Variants in ASH1L observed in about 807,000 individuals in gnomAD.
ASH1L encodes ASH1 like histone lysine methyltransferase, also known as histone-lysine N-methyltransferase ASH1L.
ASH1L carries 23 observed loss-of-function variants against 269.0 expected under a neutral mutation model. The ratio of observed to expected loss-of-function variants is 0.09; its 90% CI spans 0.06 to 0.12. The LOEUF (loss-of-function observed/expected upper bound fraction) is 0.12. Among genes scored for constraint, ASH1L ranks in the 10% least tolerant of loss-of-function variants. The pLI is 1.00. For synonymous variants in ASH1L, 1,187 were observed against 1,253.5 expected (o/e 0.95, Z 1.12); for missense variants, 2,912 against 3,567.8 (o/e 0.82, Z 4.68).
intron 4 of ASH1L, among the ~76,000 whole-genome samples, chr1:155,456,468 T>A (rs1341593759): frequency 1.3e-5 from 2 of 152,206 alleles, no homozygotes; most frequent in East Asian, 3.8e-4. Context: ...TTTAGGCTTC[T>A]GTGACATATA....
At chr1:155,428,150 G>A (rs1219421167) in intron 5 of ASH1L, among the ~76,000 whole-genome samples, 2 of 152,104 alleles carry the variant, frequency 1.3e-5, no homozygotes, top group Admixed American at 1.3e-4. Context: ...TTAGTATAAT[G>A]CCTTAAGTCT....
intron 7 of ASH1L, among the ~76,000 whole-genome samples, chr1:155,389,289 C>T (rs748625020): frequency 5.9e-5 from 9 of 152,020 alleles, no homozygotes; most frequent in East Asian, 1.9e-4. Context: ...TGAGCCACCA[C>T]GCCAAGCCTA....
In ASH1L at chr1:155,335,686, T is replaced by C. The variant is rs992213474; in HGVS notation, c.*1974A>G. The C allele has an allele frequency of 6.5e-6, 1 of 152,772 alleles. No individual in the cohort carries two copies. Among genetic ancestry groups the C allele is most frequent in the South Asian group, 2.1e-4 (1 of 4,836 alleles). 9.5% of individuals were successfully genotyped at this position (152,772 alleles called of 1,614,324 possible). A position where few individuals can be genotyped will look rare whatever the true frequency, so the allele number is the denominator to read the frequency against. ...TCTAAAAAACATTTCAGTTTTTTTT[T>C]AGTCTTTCAACAAAAGAAAGATAAA... is the stretch of plus-strand genomic sequence containing the variant. On this transcript the variant is annotated 3_prime_UTR_variant, in exon 28 of 28. Transcript: ENST00000392403.
chr1:155,340,246 C>A (rs984833005), intron 25 of ASH1L, among the ~76,000 whole-genome samples: 1 of 151,920 alleles, frequency 6.6e-6, no homozygotes. Context: ...TACAGTGGTG[C>A]GATCTTGGCT....
Position 155,343,862 on chromosome 1 carries a change from G to T in ASH1L, c.7982-120C>A. ...CATAATCTGAAACAGTATAAATACA[G>T]AGAGCTAAAAGCAGCAGTGTTAAGT... is the stretch of plus-strand genomic sequence containing the variant. On this transcript the variant is annotated intron_variant, in intron 22 of 27. Transcript: ENST00000392403. This position sits in a 1 kb window ranked among gnomAD's most constrained non-coding sequence, Gnocchi z 6.1. 8.5e-7 allele frequency: 1 copy of T among 1,173,664 alleles called. No homozygotes were observed. The highest frequency in any genetic ancestry group is 2.5e-5 in the East Asian group (1 of 40,062). The allele number at this position is 1,173,664 out of a possible 1,614,324, so 72.7% of individuals were successfully genotyped here.
intron 3 of ASH1L, among the ~76,000 whole-genome samples, chr1:155,473,274 G>A (rs1051678563): frequency 6.6e-6 from 1 of 152,092 alleles, no homozygotes; most frequent in African/African-American, 2.4e-5. Context: ...AGACTTTTCT[G>A]CAAGTGTTTT....
chr1:155,441,641 A>AT (rs1326254554), intron 4 of ASH1L, among the ~76,000 whole-genome samples: 6 of 147,786 alleles, frequency 4.1e-5, no homozygotes, highest in South Asian at 4.3e-4. Context: ...TTATTTTTGT[A>AT]TTTTTTAGTA....
chr1:155,392,454 A>G (rs1229598635), intron 7 of ASH1L, among the ~76,000 whole-genome samples: 3 of 152,038 alleles, frequency 2.0e-5, no homozygotes, highest in Non-Finnish European at 2.9e-5. Flanking sequence ...TAGGATTACT[A>G]TGTTTTAAAT....
intron 2 of ASH1L, among the ~76,000 whole-genome samples, chr1:155,510,954 T>C (rs1167340982): frequency 6.6e-6 from 1 of 152,070 alleles, no homozygotes; most frequent in East Asian, 1.9e-4. Flanking sequence ...CCTGAACAAA[T>C]CTAGAAATTG....
At chr1:155,538,370 G>GT (rs1408713991) in intron 1 of ASH1L, among the ~76,000 whole-genome samples, 2 of 119,880 alleles carry the variant, frequency 1.7e-5, no homozygotes, top group Non-Finnish European at 3.6e-5. Context: ...TTGTTTGTTT[G>GT]TTTTTGAGAT....
At chr1:155,501,060 T>C (rs910492632) in intron 2 of ASH1L, among the ~76,000 whole-genome samples, 6 of 152,204 alleles carry the variant, frequency 3.9e-5, no homozygotes, top group Middle Eastern at 3.4e-3. Flanking sequence ...AAAAGGCAAT[T>C]GGAAAAACAC....
intron 2 of ASH1L, among the ~76,000 whole-genome samples, chr1:155,489,543 G>T (rs1666599955): frequency 6.6e-6 from 1 of 151,608 alleles, no homozygotes; most frequent in South Asian, 2.1e-4. Flanking sequence ...GGCCAAGGCA[G>T]GTGGATCACG....
intron 6 of ASH1L, among the ~76,000 whole-genome samples, chr1:155,400,579 C>T (rs1658746263): frequency 6.6e-6 from 1 of 152,150 alleles, no homozygotes; most frequent in South Asian, 2.1e-4. Flanking sequence ...ATTCATATAA[C>T]TAGTAACTGA....
intron 1 of ASH1L, among the ~76,000 whole-genome samples, chr1:155,528,126 A>T (rs1264702496): frequency 6.6e-6 from 1 of 152,194 alleles, no homozygotes; most frequent in Non-Finnish European, 1.5e-5. Context: ...CTTACTTGAC[A>T]TACTGACTGG....
intron 3 of ASH1L, among the ~76,000 whole-genome samples, chr1:155,474,802 C>CATA (rs1170796869): frequency 6.6e-6 from 1 of 152,226 alleles, no homozygotes; most frequent in Non-Finnish European, 1.5e-5. Flanking sequence ...TATGTTCAGA[C>CATA]ATAAGCCTGC....
intron 6 of ASH1L, among the ~76,000 whole-genome samples, chr1:155,411,582 A>T (rs865880614): frequency 1.9e-3 from 93 of 48,328 alleles, no homozygotes; most frequent in African/African-American, 4.9e-3. Context: ...TAAATAAATA[A>T]ATAAATATAT....
intron 6 of ASH1L, among the ~76,000 whole-genome samples, chr1:155,397,699 A>AGTAGCTGGGATTACAGATGCCT (rs1658481487): frequency 6.6e-6 from 1 of 151,998 alleles, no homozygotes. Flanking sequence ...TACAGATGCC[A>AGTAGCTGGGATTACAGATGCCT]ACTACTGGGA....
At chr1:155,459,465 G>A (rs1199770838) in intron 4 of ASH1L, among the ~76,000 whole-genome samples, 1 of 152,116 alleles carries the variant, frequency 6.6e-6, no homozygotes, top group Non-Finnish European at 1.5e-5. Context: ...CAAAGTGCTG[G>A]GATTATAGGC....
intron 10 of ASH1L, among the ~76,000 whole-genome samples, chr1:155,374,031 T>C (rs1348464161): frequency 6.6e-6 from 1 of 152,112 alleles, no homozygotes; most frequent in Non-Finnish European, 1.5e-5. Flanking sequence ...GTTATATTTA[T>C]AATAATAATT....
Sources: gnomAD v4.1 joint callset for allele counts (sites outside exome capture counted in the v4.1 genomes callset) on GRCh38, gnomAD v4.1.1 for gene constraint, Gnocchi (gnomAD v3.1) non-coding constraint, MANE v1.5 for transcripts, NCBI Gene and HGNC (gene_info 2026-07-23, HGNC 2026-07-21) for gene names.